The following WFDC10B variants were observed in gnomAD, a reference collection of about 807,000 sequenced individuals.
WFDC10B encodes protein WFDC10B.
In WFDC10B, 1 loss-of-function variant was observed where a neutral mutation model predicts 2.7. The ratio of observed to expected loss-of-function variants is 0.38; its 90% CI spans 0.13 to 1.79. WFDC10B has a LOEUF of 1.79. WFDC10B is among the 40% of genes most tolerant of loss of function. The pLI, the probability that WFDC10B is intolerant of heterozygous loss-of-function variation, is 0.33. For missense variants in WFDC10B, 71 were observed against 87.8 expected, an observed-to-expected ratio of 0.81 and a Z score of 0.76; for synonymous variants, 26 against 32.2, an observed-to-expected ratio of 0.81 and a Z score of 0.65.
intron 2 of WFDC10B, among the ~76,000 whole-genome samples, chr20:45,689,735 T>G (rs1361421013): frequency 1.3e-5 from 2 of 152,306 alleles, no homozygotes; most frequent in African/African-American, 4.8e-5. Context: ...CTTAAGGAGA[T>G]TTTGGGCTGA....
chr20:45,688,501 C>G (rs1983704519), intron 2 of WFDC10B, among the ~76,000 whole-genome samples: 1 of 152,184 alleles, frequency 6.6e-6, no homozygotes, highest in Non-Finnish European at 1.5e-5. Context: ...TCTCCAGCAC[C>G]TGTTGTTTCT....
intron 2 of WFDC10B, among the ~76,000 whole-genome samples, chr20:45,700,070 G>A (rs1984103700): frequency 6.6e-6 from 1 of 152,084 alleles, no homozygotes; most frequent in African/African-American, 2.4e-5. Context: ...ATTGTTCATT[G>A]CAGCATTATT....
intron 2 of WFDC10B, 54 bp from the exon 3 acceptor site, chr20:45,686,110 C>T: frequency 6.7e-7 from 1 of 1,500,902 alleles, no homozygotes; most frequent in Non-Finnish European, 8.9e-7. Context: ...CTCGCTGCCT[C>T]CACTGGACAA....
In WFDC10B at chr20:45,686,030, C is replaced by A; in HGVS notation, c.-38G>T. On this transcript the variant is annotated 5_prime_UTR_variant, in exon 3 of 4. Coordinates refer to ENST00000330523, the MANE Select transcript of WFDC10B (RefSeq NM_172006.2). Reference sequence around the variant, plus strand: ...AGCGTGAGCCCTAAGTCTGGCCAGGCAGTCACAGACTTCCCTGCAGAGCTG... The same window carrying A: ...AGCGTGAGCCCTAAGTCTGGCCAGGAAGTCACAGACTTCCCTGCAGAGCTG... The A allele has an allele frequency of 3.7e-6, 6 of 1,606,984 alleles. No individual in the cohort carries two copies. The highest frequency in any genetic ancestry group is 5.1e-6 in the Non-Finnish European group (6 of 1,176,486).
chr20:45,688,680 G>A (rs898492673), intron 2 of WFDC10B, among the ~76,000 whole-genome samples: 8 of 136,196 alleles, frequency 5.9e-5, no homozygotes, highest in Admixed American at 2.1e-4. Context: ...CCCACTTTTT[G>A]ATGGGGTTGT....
Position 45,704,698 on chromosome 20 carries a change from T to A in WFDC10B, c.-129-137A>T, listed in dbSNP as rs912195727. On this transcript the variant is annotated intron_variant, in intron 1 of 3. Coordinates refer to ENST00000330523, the MANE Select transcript of WFDC10B (RefSeq NM_172006.2). ...GTGCTGGATCTCTCCTTTTTTTTTT[T>A]TTTCCTTGGTGGCCATGTTGCCAAC... The A allele has an allele frequency of 4.0e-5, 60 of 1,502,598 alleles. 1 individual carries two copies. In the African/African-American group the frequency reaches 8.1e-4, roughly 20 times the overall value. 93.1% of individuals were successfully genotyped at this position (1,502,598 alleles called of 1,614,324 possible).
chr20:45,690,379 C>G (rs1253445305), intron 2 of WFDC10B, among the ~76,000 whole-genome samples: 4 of 152,094 alleles, frequency 2.6e-5, no homozygotes, highest in Non-Finnish European at 5.9e-5. Context: ...AGGATTCCCT[C>G]TTTTTCTATT....
chr20:45,690,928 A>G (rs1487418253), intron 2 of WFDC10B, among the ~76,000 whole-genome samples: 2 of 152,088 alleles, frequency 1.3e-5, no homozygotes, highest in African/African-American at 4.8e-5. Flanking sequence ...TTGTGATGTT[A>G]GGGTGTCAAT....
At chr20:45,685,838 G>T (rs939774487) in intron 3 of WFDC10B, 64 bp downstream of exon 3, 2 of 1,593,904 alleles carry the variant, frequency 1.3e-6, no homozygotes, top group Non-Finnish European at 1.7e-6. Context: ...TACTCAGACT[G>T]GACACAGCTC....
intron 2 of WFDC10B, chr20:45,702,068 C>T: frequency 6.5e-7 from 1 of 1,538,054 alleles, no homozygotes; most frequent in Non-Finnish European, 8.9e-7. Context: ...CACAGCAGTG[C>T]CTGGTCAAAC....
At position 45,704,887 on chromosome 20, in the gene WFDC10B, A is replaced by G. The variant is rs1262355337; in HGVS notation, c.-130+31T>C. ...TTATCCACAGACCTTCCCCCGACCC[A>G]GAATCCACCCTTATCCCAGGGACAC... is the stretch of plus-strand genomic sequence containing the variant. On this transcript the variant is annotated intron_variant, in intron 1 of 3. Coordinates refer to ENST00000330523, the MANE Select transcript of WFDC10B (RefSeq NM_172006.2). 5.6e-6 allele frequency: 9 copies of G among 1,609,788 alleles called. No homozygotes were observed. In the South Asian group the frequency reaches 9.9e-5, roughly 18 times the overall value.
chr20:45,690,848 C>T (rs567688165), intron 2 of WFDC10B, among the ~76,000 whole-genome samples: 65 of 151,964 alleles, frequency 4.3e-4, no homozygotes, highest in Non-Finnish European at 4.9e-4. Context: ...AGTTCTGCTC[C>T]GATTTTAGTT....
At chr20:45,690,268 C>G (rs1252237984) in intron 2 of WFDC10B, among the ~76,000 whole-genome samples, 1 of 150,204 alleles carries the variant, frequency 6.7e-6, no homozygotes, top group Non-Finnish European at 1.5e-5. Context: ...ATTTTTGCAT[C>G]AATGTTCATC....
intron 2 of WFDC10B, among the ~76,000 whole-genome samples, chr20:45,691,185 A>T (rs1453517885): frequency 6.6e-6 from 1 of 152,142 alleles, no homozygotes; most frequent in Non-Finnish European, 1.5e-5. Context: ...GTTTGATTGC[A>T]CTGTGATCTG....
At chr20:45,689,499 T>A (rs1408866449) in intron 2 of WFDC10B, among the ~76,000 whole-genome samples, 1 of 152,202 alleles carries the variant, frequency 6.6e-6, no homozygotes. Flanking sequence ...CATTTGTTTG[T>A]ATCCTCTTTT....
chr20:45,696,144 G>C (rs1983968834), intron 2 of WFDC10B, among the ~76,000 whole-genome samples: 2 of 152,002 alleles, frequency 1.3e-5, no homozygotes, highest in Non-Finnish European at 2.9e-5. Context: ...AATTAACTGG[G>C]CATGGTGGTA....
At chr20:45,702,115 A>G (rs1984185976) in intron 2 of WFDC10B, 2 of 1,612,016 alleles carry the variant, frequency 1.2e-6, no homozygotes, top group African/African-American at 2.7e-5. Flanking sequence ...CACCCATCCC[A>G]CTGACACCAT....
intron 2 of WFDC10B, chr20:45,702,306 C>A (rs1053682092): frequency 3.5e-5 from 44 of 1,275,308 alleles, no homozygotes; most frequent in Middle Eastern, 3.8e-4. Flanking sequence ...TGGAAAAATA[C>A]CGTGTCATGT....
At chr20:45,686,293 T>C (rs1056138414) in intron 2 of WFDC10B, among the ~76,000 whole-genome samples, 1 of 152,218 alleles carries the variant, frequency 6.6e-6, no homozygotes, top group African/African-American at 2.4e-5. Flanking sequence ...TTATTTCTGC[T>C]TTCTAATTAT....
Sources: gnomAD v4.1 joint callset for allele counts (sites outside exome capture counted in the v4.1 genomes callset) on GRCh38, gnomAD v4.1.1 for gene constraint, MANE v1.5 for transcripts, NCBI Gene and HGNC (gene_info 2026-07-23, HGNC 2026-07-21) for gene names.